PLD3: variants seen among roughly 807,000 people sequenced by gnomAD.
PLD3 encodes 5'-3' exonuclease PLD3.
PLD3 carries 31 observed loss-of-function variants against 58.4 expected under a neutral mutation model. That is an observed-to-expected ratio of 0.53 (90% confidence interval 0.40 to 0.72). PLD3 has a LOEUF of 0.72. Ranked by LOEUF, PLD3 falls within the 30% of genes least tolerant of loss-of-function variation. PLD3 has a pLI of 0.00. For missense variants in PLD3, 595 were observed against 659.8 expected (o/e 0.90, Z 1.08); for synonymous variants, 264 against 273.4 (o/e 0.97, Z 0.34).
intron 10 of PLD3, chr19:40,376,404 G>A (rs1329564665): frequency 3.7e-6 from 2 of 538,248 alleles, no homozygotes; most frequent in South Asian, 2.6e-5. Context: ...GGGTTTTGGG[G>A]AGCAGGAATG....
rs1244753765 is a variant in PLD3, at chr19:40,372,780, CAG to C, written c.879+908_879+909del. ...CCTGTAGTCCCTGGGGAGGCTAAGA[CAG>C]GGGGATCACTTGAGCCCAGGAGTTT... On this transcript the variant is annotated intron_variant, in intron 9 of 12. Transcript: ENST00000409735. Among the ~76,000 whole-genome samples, 8 of 151,828 alleles carry C rather than the reference CAG, an allele frequency of 5.3e-5. No homozygotes were observed. In the East Asian group the frequency reaches 7.8e-4, roughly 15 times the overall value.
intron 1 of PLD3, among the ~76,000 whole-genome samples, chr19:40,364,215 G>A (rs1013231725): frequency 2.6e-5 from 4 of 151,742 alleles, no homozygotes; most frequent in South Asian, 2.1e-4. Flanking sequence ...TTAGCTGGTC[G>A]TGGTGGCAGG....
chr19:40,373,874 A>G (rs1286307176), intron 9 of PLD3, among the ~76,000 whole-genome samples: 2 of 151,928 alleles, frequency 1.3e-5, no homozygotes, highest in African/African-American at 4.8e-5. Flanking sequence ...CTGTAGTCCC[A>G]GCTACTTGGG....
rs141212078 is a variant in PLD3 at position 40,370,609 on chromosome 19, G to A, written c.678+372G>A. The A allele has an allele frequency of 3.3e-3, 604 of 180,354 alleles. 2 individuals carry two copies. The highest frequency in any genetic ancestry group is 0.014 in the African/African-American group (566 of 41,882). 11.2% of individuals were successfully genotyped at this position (180,354 alleles called of 1,614,324 possible). ...GATCACTTGAGCCCAGGAGTTTGAGGCTACAGTGGGTTGTATTCATGCCAC... is the reference window on the plus strand; with the variant it reads ...GATCACTTGAGCCCAGGAGTTTGAGACTACAGTGGGTTGTATTCATGCCAC... On this transcript the variant is annotated intron_variant, in intron 8 of 12. Coordinates refer to ENST00000409735, the MANE Select transcript of PLD3 (RefSeq NM_012268.4).
In PLD3 at chr19:40,371,721, G is replaced by A; in HGVS notation, c.727G>A (p.Asp243Asn). Residue 243 changes from aspartate to asparagine, a missense_variant, in exon 9 of 13, where the codon GAC (aspartate) becomes AAC (asparagine). Physicochemically the swap from Asp to Asn is conservative, Grantham distance 23. Coordinates refer to ENST00000409735, the MANE Select transcript of PLD3 (RefSeq NM_012268.4). ...GTACAACTGCAGCTGCCTGGCTCGA[G>A]ACCTGACCAAGATCTTTGAGGCCTA... is the stretch of plus-strand genomic sequence containing the variant. ...VMYNCSCLAR[D>N]LTKIFEAYWF... 6.2e-7 allele frequency: 1 copy of A among 1,613,954 alleles called. No homozygotes were observed. The highest frequency in any genetic ancestry group is 8.5e-7 in the Non-Finnish European group (1 of 1,180,010).
intron 1 of PLD3, chr19:40,360,581 A>C (rs948150049): frequency 5.5e-5 from 3 of 54,516 alleles, no homozygotes; most frequent in Admixed American, 3.2e-4. Context: ...ACTCCGTCTT[A>C]AAAAAAAAAA....
Position 40,371,866 on chromosome 19 carries a change from A to G in PLD3, c.872A>G (p.Tyr291Cys). The G allele has an allele frequency of 6.2e-7, 1 of 1,613,788 alleles. No individual in the cohort carries two copies. Among genetic ancestry groups the G allele is most frequent in the Non-Finnish European group, 8.5e-7 (1 of 1,179,908 alleles). ...ICLNGTPALA[Y>C]LASAPPPLCP... ...CTCAATGGAACCCCTGCTCTGGCCT[A>G]CCTGGCGGTGAGTCTGGGGCAAGTG... The change falls in exon 9 of 13, where the codon TAC becomes TGC. Residue 291 changes from tyrosine to cysteine, a missense_variant. By Grantham distance (194) the Tyr-to-Cys change is radical. Transcript: ENST00000409735.
In PLD3 at chr19:40,377,789, C is replaced by T; in HGVS notation, c.1189C>T (p.Leu397Phe). The T allele has an allele frequency of 6.2e-7, 1 of 1,612,968 alleles. No homozygotes were observed. Among genetic ancestry groups the T allele is most frequent in the Non-Finnish European group, 8.5e-7 (1 of 1,179,146 alleles). The change falls in exon 12 of 13, where the codon CTC becomes TTC. Residue 397 changes from leucine to phenylalanine, a missense_variant. Coordinates refer to ENST00000409735, the MANE Select transcript of PLD3 (RefSeq NM_012268.4). ...CCCATCCTCCCCTCCCACTCAGAAA[C>T]TCTTTGTGGTCCCCGCGGATGAGGC... ...NHTHSDIQVK[L>F]FVVPADEAQA...
At chr19:40,372,024 A>C in intron 9 of PLD3, 151 bp downstream of exon 9, 1 of 653,836 alleles carries the variant, frequency 1.5e-6, no homozygotes, top group Non-Finnish European at 2.7e-6. Flanking sequence ...GGCCTGGAGT[A>C]GTTCCCAACA....
Position 40,378,406 on chromosome 19 carries a change from G to T in PLD3, c.*233G>T. 2 of 626,826 alleles carry T rather than the reference G, an allele frequency of 3.2e-6. No individual in the cohort carries two copies. Among genetic ancestry groups the T allele is most frequent in the Non-Finnish European group, 5.7e-6 (2 of 349,358 alleles). The allele number at this position is 626,826 out of a possible 1,614,324, so 38.8% of individuals were successfully genotyped here. ...CCCAAAGAAATGGGGGTGCATGCTG[G>T]GCCTGGCCCCCTGGCCCACCCCCAC... On this transcript the variant is annotated 3_prime_UTR_variant, in exon 13 of 13. Transcript: ENST00000409735.
At position 40,370,123 on chromosome 19, in the gene PLD3, C is replaced by T. The variant is rs750676918; in HGVS notation, c.564C>T (p.Arg188=). The change falls in exon 8 of 13, where the codon CGC becomes CGT. Residue 188 remains arginine, a synonymous_variant. Coordinates refer to ENST00000409735, the MANE Select transcript of PLD3 (RefSeq NM_012268.4). The part of the protein sequence containing the change: ...QALLQSGAQV[R]MVDMQKLTHG... ...TGCTGGTCACAGGTGCCCAGGTCCG[C>T]ATGGTGGACATGCAGAAGCTGACCC... is the stretch of plus-strand genomic sequence containing the variant. The T allele has an allele frequency of 3.1e-6, 5 of 1,612,194 alleles. No homozygotes were observed. The highest frequency in any genetic ancestry group is 4.2e-6 in the Non-Finnish European group (5 of 1,179,252).
rs200131395 is a variant in PLD3 at position 40,377,803 on chromosome 19, C to G, written c.1203C>G (p.Pro401=). ...SDIQVKLFVV[P]ADEAQARIPY... is the part of the protein sequence containing the mutation. Reference sequence around the variant, plus strand: ...CCACTCAGAAACTCTTTGTGGTCCCCGCGGATGAGGCCCAGGCTCGAATCC... The same window carrying G: ...CCACTCAGAAACTCTTTGTGGTCCCGGCGGATGAGGCCCAGGCTCGAATCC... The change falls in exon 12 of 13, where the codon CCC becomes CCG. Residue 401 remains proline, a synonymous_variant. Transcript: ENST00000409735. 4 of 1,613,590 alleles carry G rather than the reference C, an allele frequency of 2.5e-6. No homozygotes were observed. Among genetic ancestry groups the G allele is most frequent in the East Asian group, 2.2e-5 (1 of 44,812 alleles).
At chr19:40,367,158 C>A in intron 5 of PLD3, 1 of 522,108 alleles carries the variant, frequency 1.9e-6, no homozygotes, top group South Asian at 2.8e-5. Context: ...ATCTGTGGAC[C>A]CACACACACA....
intron 10 of PLD3, among the ~76,000 whole-genome samples, chr19:40,375,135 G>A (rs1260084599): frequency 2.0e-5 from 3 of 151,762 alleles, no homozygotes; most frequent in African/African-American, 4.8e-5. Flanking sequence ...CAGCCTGTGC[G>A]ACAGACAGAG....
At position 40,378,354 on chromosome 19, in the gene PLD3, C is replaced by G. The variant is rs2079298777; in HGVS notation, c.*181C>G. The G allele has an allele frequency of 1.4e-6, 1 of 715,846 alleles. No individual in the cohort carries two copies. The highest frequency in any genetic ancestry group is 2.5e-6 in the Non-Finnish European group (1 of 399,520). The allele number at this position is 715,846 out of a possible 1,614,324, so 44.3% of individuals were successfully genotyped here. A position where few individuals can be genotyped will look rare whatever the true frequency, so the allele number is the denominator to read the frequency against. ...CGGCCTGACGCTGTGGCCCCGGGACCCAGCAGAGCTGGGGGAGGGATCAGC... is the reference window on the plus strand; with the variant it reads ...CGGCCTGACGCTGTGGCCCCGGGACGCAGCAGAGCTGGGGGAGGGATCAGC... On this transcript the variant is annotated 3_prime_UTR_variant, in exon 13 of 13. Coordinates refer to ENST00000409735, the MANE Select transcript of PLD3 (RefSeq NM_012268.4).
In PLD3 at chr19:40,374,537, C is replaced by T. The variant is rs770404176; in HGVS notation, c.936C>T (p.Leu312=). 16 of 1,614,070 alleles carry T rather than the reference C, an allele frequency of 9.9e-6. No homozygotes were observed. The East Asian group carries it at 3.1e-4, about 31-fold the overall frequency. The change falls in exon 10 of 13, where the codon CTC becomes CTT. Residue 312 remains leucine (L), a synonymous_variant. Coordinates refer to ENST00000409735, the MANE Select transcript of PLD3 (RefSeq NM_012268.4). ...SGRTPDLKAL[L]NVVDNARSFI... ...GCACTCCAGACCTGAAGGCTCTACT[C>T]AACGTGGTGGACAATGCCCGGAGTT...
At chr19:40,351,690 G>A (rs1031987523) in intron 1 of PLD3, among the ~76,000 whole-genome samples, 3 of 152,154 alleles carry the variant, frequency 2.0e-5, no homozygotes, top group Non-Finnish European at 2.9e-5. Context: ...GAGAGGAGAG[G>A]GGCAAGAGAC....
chr19:40,372,633 A>T (rs968867056), intron 9 of PLD3, among the ~76,000 whole-genome samples: 58 of 141,760 alleles, frequency 4.1e-4, no homozygotes, highest in African/African-American at 1.3e-3. Context: ...ATTTCTTTCT[A>T]TTTTTTTTTT....
intron 12 of PLD3, 44 bp downstream of exon 12, chr19:40,377,929 C>T (rs763096597): frequency 1.1e-5 from 18 of 1,612,682 alleles, no homozygotes; most frequent in Middle Eastern, 1.7e-4. Flanking sequence ...AGAGGGGGTT[C>T]AGACACCAGG....
Sources: allele counts gnomAD v4.1 joint callset (sites outside exome capture counted in the v4.1 genomes callset), GRCh38; gene constraint gnomAD v4.1.1; transcripts MANE v1.5; gene names NCBI Gene and HGNC (gene_info 2026-07-23, HGNC 2026-07-21).